The following NIBAN1 variants were observed in gnomAD, a reference collection of about 807,000 sequenced individuals.
NIBAN1 encodes niban apoptosis regulator 1.
NIBAN1 carries 81 observed loss-of-function variants against 75.1 expected under a neutral mutation model. The observed-to-expected ratio is 1.08, with a 90% confidence interval of 0.90 to 1.30. The LOEUF (loss-of-function observed/expected upper bound fraction) is 1.30, where lower values mean the gene tolerates loss of function less well. Among genes scored for constraint, NIBAN1 ranks in the 50% most tolerant of loss-of-function variants. The pLI, the probability that NIBAN1 is intolerant of heterozygous loss-of-function variation, is 0.00. For synonymous variants in NIBAN1, 436 were observed against 424.8 expected (o/e 1.03, Z -0.32); for missense variants, 1,133 against 1,128.1 (o/e 1.00, Z -0.06).
intron 5 of NIBAN1, among the ~76,000 whole-genome samples, chr1:184,876,159 G>C (rs1252575972): frequency 1.3e-5 from 2 of 149,250 alleles, no homozygotes; most frequent in East Asian, 4.0e-4. Flanking sequence ...GGTAATAAGA[G>C]TGAAACTTCG....
At chr1:184,936,321 C>A (rs1409154325) in intron 1 of NIBAN1, among the ~76,000 whole-genome samples, 1 of 152,148 alleles carries the variant, frequency 6.6e-6, no homozygotes, top group African/African-American at 2.4e-5. Context: ...TTTTGATCCC[C>A]TGGAGAGTGA....
chr1:184,793,514 C>G lies in NIBAN1; in HGVS notation c.*1463G>C, dbSNP rs564304636. The stretch of plus-strand genomic sequence containing the variant: ...GAGGTTGCAGTGAGCCGAGATCACA[C>G]CACTGCACTCCAGCCTTGGCGACAG... On this transcript the variant is annotated 3_prime_UTR_variant, in exon 14 of 14. Coordinates refer to ENST00000367511, the MANE Select transcript of NIBAN1 (RefSeq NM_052966.4). 1 of 152,300 alleles carries G rather than the reference C, an allele frequency of 6.6e-6. No homozygotes were observed. The highest frequency in any genetic ancestry group is 2.1e-4 in the South Asian group (1 of 4,822). The allele number at this position is 152,300 out of a possible 1,614,324, so 9.4% of individuals were successfully genotyped here. A position where few individuals can be genotyped will look rare whatever the true frequency, so the allele number is the denominator to read the frequency against.
chr1:184,838,276 C>T (rs938361011), intron 5 of NIBAN1, among the ~76,000 whole-genome samples: 1 of 152,206 alleles, frequency 6.6e-6, no homozygotes, highest in Non-Finnish European at 1.5e-5. Context: ...CCCGAACCTG[C>T]TGAAATCATT....
At chr1:184,955,307 TTTTCC>T (rs539172229) in intron 1 of NIBAN1, among the ~76,000 whole-genome samples, 2,562 of 94,540 alleles carry the variant, frequency 0.027, 61 homozygotes, top group African/African-American at 0.069. Flanking sequence ...TTTTCTTTTC[TTTTCC>T]TTTCCTTTCC....
At chr1:184,971,867 C>T (rs1658945701) in intron 1 of NIBAN1, among the ~76,000 whole-genome samples, 1 of 152,102 alleles carries the variant, frequency 6.6e-6, no homozygotes, top group Admixed American at 6.5e-5. Flanking sequence ...CCGTAATTTC[C>T]CAAACTAACA....
In NIBAN1 at chr1:184,857,857, G is replaced by A. The variant is rs994659050; in HGVS notation, c.602-25895C>T. Among the ~76,000 whole-genome samples, 3 of 151,774 alleles carry A rather than the reference G, an allele frequency of 2.0e-5. No individual in the cohort carries two copies. The East Asian group carries it at 5.8e-4, about 29-fold the overall frequency. ...GGCGCAACTGATTTTCCATTTAAAG[G>A]GAAAATGTTAGACCACTCATATACA... On this transcript the variant is annotated intron_variant, in intron 5 of 13. Transcript: ENST00000367511.
intron 1 of NIBAN1, among the ~76,000 whole-genome samples, chr1:184,908,205 T>C (rs977875968): frequency 3.3e-5 from 5 of 152,150 alleles, no homozygotes; most frequent in African/African-American, 1.2e-4. Flanking sequence ...AAGCCCAGTA[T>C]CTCTAATATG....
Position 184,791,066 on chromosome 1 carries a change from C to T in NIBAN1, c.*3911G>A, listed in dbSNP as rs2102168141. The T allele has an allele frequency of 2.1e-6, 1 of 471,062 alleles. No homozygotes were observed. The highest frequency in any genetic ancestry group is 7.0e-5 in the East Asian group (1 of 14,344). 29.2% of individuals were successfully genotyped at this position (471,062 alleles called of 1,614,324 possible). On this transcript the variant is annotated 3_prime_UTR_variant, in exon 14 of 14. Coordinates refer to ENST00000367511, the MANE Select transcript of NIBAN1 (RefSeq NM_052966.4). ...GAACATTTTATTGGAATATAGGCAC[C>T]TGGCAGAGTAAATACATGGTTACAA...
chr1:184,854,889 C>A (rs927701676), intron 5 of NIBAN1, among the ~76,000 whole-genome samples: 4 of 152,184 alleles, frequency 2.6e-5, no homozygotes, highest in African/African-American at 9.7e-5. Flanking sequence ...GTCCAATGAT[C>A]TAATTCCCTT....
At chr1:184,936,915 A>G (rs1419515642) in intron 1 of NIBAN1, among the ~76,000 whole-genome samples, 1 of 152,084 alleles carries the variant, frequency 6.6e-6, no homozygotes, top group African/African-American at 2.4e-5. Flanking sequence ...AATAAAACTC[A>G]TCCCCATGAT....
At chr1:184,923,491 G>A (rs1255494786) in intron 1 of NIBAN1, among the ~76,000 whole-genome samples, 1 of 152,166 alleles carries the variant, frequency 6.6e-6, no homozygotes, top group African/African-American at 2.4e-5. Context: ...TTGAAGTCAG[G>A]TAATGTGATT....
Position 184,890,048 on chromosome 1 carries a change from C to T in NIBAN1, c.433+60G>A, listed in dbSNP as rs1656624687. 7 of 1,277,986 alleles carry T rather than the reference C, an allele frequency of 5.5e-6. No homozygotes were observed. The Admixed American group carries it at 1.0e-4, about 19-fold the overall frequency. The allele number at this position is 1,277,986 out of a possible 1,614,324, so 79.2% of individuals were successfully genotyped here. A position where few individuals can be genotyped will look rare whatever the true frequency, so the allele number is the denominator to read the frequency against. ...CCCTCTCCTTCACAGAGAAACACTG[C>T]TCCAGCTAAACAAAGAAGCTTAGTC... On this transcript the variant is annotated intron_variant, in intron 4 of 13. Transcript: ENST00000367511.
At chr1:184,840,465 C>T (rs569243) in intron 5 of NIBAN1, among the ~76,000 whole-genome samples, 13,018 of 151,920 alleles carry the variant, frequency 0.086, 613 homozygotes, top group African/African-American at 0.12. Flanking sequence ...TAAGAACTCA[C>T]CCTGAGAATA....
intron 2 of NIBAN1, among the ~76,000 whole-genome samples, chr1:184,895,878 C>T (rs921908814): frequency 6.6e-6 from 1 of 152,106 alleles, no homozygotes; most frequent in Non-Finnish European, 1.5e-5. Flanking sequence ...CATGTTGTTG[C>T]AAAGGGTATG....
At chr1:184,874,049 A>AT (rs1656175058) in intron 5 of NIBAN1, among the ~76,000 whole-genome samples, 1 of 152,124 alleles carries the variant, frequency 6.6e-6, no homozygotes, top group Non-Finnish European at 1.5e-5. Context: ...AGTTATCTAT[A>AT]TTTTTTGAGA....
chr1:184,797,543 C>T (rs553192774), intron 13 of NIBAN1, among the ~76,000 whole-genome samples: 4 of 151,870 alleles, frequency 2.6e-5, no homozygotes, highest in East Asian at 1.9e-4. Context: ...CCGAGACTTG[C>T]GTGGCACTGC....
intron 5 of NIBAN1, among the ~76,000 whole-genome samples, chr1:184,872,008 A>G (rs1375262988): frequency 6.6e-6 from 1 of 152,202 alleles, no homozygotes; most frequent in African/African-American, 2.4e-5. Context: ...AACTGGCTTC[A>G]GTGAAATATG....
chr1:184,796,199 C>A, intron 13 of NIBAN1, 102 bp from the exon 14 acceptor site: 1 of 1,284,492 alleles, frequency 7.8e-7, no homozygotes, highest in Non-Finnish European at 1.0e-6. Context: ...ATTTCAAGAC[C>A]CAGCTTACAT....
chr1:184,884,717 G>A lies in NIBAN1; in HGVS notation c.517C>T (p.His173Tyr). ...GCCTCGTGGAAGCAGAAGTAGCCGT[G>A]TCTGAAGAAGGGCTGCCACAGGTAC... ...PVYLWQPFFR[H>Y]GYFCFHEAAD... Residue 173 changes from histidine to tyrosine, a missense_variant, in exon 5 of 14, where the codon CAC (histidine) becomes TAC (tyrosine). By Grantham distance (83) the His-to-Tyr change is moderately conservative. Coordinates refer to ENST00000367511, the MANE Select transcript of NIBAN1 (RefSeq NM_052966.4). The A allele has an allele frequency of 6.2e-7, 1 of 1,614,214 alleles. No homozygotes were observed. Among genetic ancestry groups the A allele is most frequent in the Non-Finnish European group, 8.5e-7 (1 of 1,180,020 alleles).
Sources: gnomAD v4.1 joint callset for allele counts (sites outside exome capture counted in the v4.1 genomes callset) on GRCh38, gnomAD v4.1.1 for gene constraint, MANE v1.5 for transcripts, NCBI Gene and HGNC (gene_info 2026-07-23, HGNC 2026-07-21) for gene names.